The following CADM1 variants were observed in gnomAD, a reference collection of about 807,000 sequenced individuals.
The protein encoded by CADM1 is cell adhesion molecule 1, also known as TSLC-1.
In CADM1, 15 loss-of-function variants were observed where a neutral mutation model predicts 53.1. That is an observed-to-expected ratio of 0.28 (90% CI 0.19 to 0.44). The LOEUF is 0.44. CADM1 is among the 20% of genes least tolerant of loss of function. CADM1 has a pLI of 1.00. For synonymous variants in CADM1, 281 were observed against 243.0 expected (o/e 1.16, Z -1.45); for missense variants, 434 against 611.3 (o/e 0.71, Z 3.06).
At chr11:115,340,658 A>ATATATTTTTTTTT (rs60532835) in intron 1 of CADM1, among the ~76,000 whole-genome samples, 15 of 34,936 alleles carry the variant, frequency 4.3e-4, no homozygotes, top group East Asian at 1.1e-3. Flanking sequence ...ATATATATAT[A>ATATATTTTTTTTT]TTTTTTTTTT....
intron 1 of CADM1, among the ~76,000 whole-genome samples, chr11:115,430,300 G>C (rs1005005925): frequency 6.6e-6 from 1 of 152,170 alleles, no homozygotes; most frequent in Non-Finnish European, 1.5e-5. Flanking sequence ...GATAGCTAAC[G>C]CTGGGCGTTT....
chr11:115,221,040 T>C (rs1941386512), intron 5 of CADM1, among the ~76,000 whole-genome samples: 1 of 152,176 alleles, frequency 6.6e-6, no homozygotes, highest in South Asian at 2.1e-4. Context: ...AGTAATGAGG[T>C]AAAGCCTAGT....
chr11:115,499,978 T>C (rs1949697238), intron 1 of CADM1, among the ~76,000 whole-genome samples: 1 of 152,204 alleles, frequency 6.6e-6, no homozygotes, highest in Non-Finnish European at 1.5e-5. Context: ...TCACTACTTA[T>C]ACATACACAC....
In CADM1 at chr11:115,197,090, T is replaced by G. The variant is rs1940193844; in HGVS notation, c.1111+1316A>C. Among the ~76,000 whole-genome samples, 4 of 152,016 alleles carry G rather than the reference T, an allele frequency of 2.6e-5. No homozygotes were observed. In the South Asian group the frequency reaches 8.3e-4, roughly 32 times the overall value. ...AGGGCAGAAAGAAATAGGAATGGGG[T>G]GGGGAAGGATATATTGCTCAGTACC... On this transcript the variant is annotated intron_variant, in intron 9 of 11. Coordinates refer to ENST00000331581, the MANE Select transcript of CADM1 (RefSeq NM_001301043.2).
chr11:115,207,070 A>C (rs1275881568), intron 8 of CADM1, among the ~76,000 whole-genome samples: 5 of 152,134 alleles, frequency 3.3e-5, no homozygotes, highest in Admixed American at 2.6e-4. Flanking sequence ...CTTTCTGGGC[A>C]AGATAAATAT....
intron 1 of CADM1, among the ~76,000 whole-genome samples, chr11:115,503,676 G>A (rs1949784715): frequency 6.6e-6 from 1 of 152,228 alleles, no homozygotes; most frequent in Non-Finnish European, 1.5e-5. Flanking sequence ...AACACGAGAG[G>A]CGTGCAGTTT....
chr11:115,359,540 C>T (rs1211144324), intron 1 of CADM1, among the ~76,000 whole-genome samples: 1 of 151,946 alleles, frequency 6.6e-6, no homozygotes, highest in Non-Finnish European at 1.5e-5. Flanking sequence ...AGAAATGGGT[C>T]CCACCGTGAT....
chr11:115,236,110 A>G (rs1383603525), intron 3 of CADM1, among the ~76,000 whole-genome samples: 1 of 152,218 alleles, frequency 6.6e-6, no homozygotes, highest in African/African-American at 2.4e-5. Flanking sequence ...TACTGAATGT[A>G]TCAAATAACT....
Position 115,174,204 on chromosome 11 carries a change from T to C in CADM1, c.*2270A>G, listed in dbSNP as rs749115805. ...CAGGAACACTGCACTACTGTACACTTTTCAAAACAGAAAGATGGGAGGTCC... is the reference window on the plus strand; with the variant it reads ...CAGGAACACTGCACTACTGTACACTCTTCAAAACAGAAAGATGGGAGGTCC... On this transcript the variant is annotated 3_prime_UTR_variant, in exon 12 of 12. Transcript: ENST00000331581. 2.5e-4 allele frequency: 244 copies of C among 985,228 alleles called. No homozygotes were observed. Among genetic ancestry groups the C allele is most frequent in the Non-Finnish European group, 2.7e-4 (225 of 829,904 alleles). The allele number at this position is 985,228 out of a possible 1,614,324, so 61.0% of individuals were successfully genotyped here.
At chr11:115,460,857 A>C (rs1033949588) in intron 1 of CADM1, among the ~76,000 whole-genome samples, 1 of 151,730 alleles carries the variant, frequency 6.6e-6, no homozygotes, top group African/African-American at 2.4e-5. Context: ...CTTTTTCCTG[A>C]AATCCATATA....
At chr11:115,441,506 A>G (rs374001622) in intron 1 of CADM1, among the ~76,000 whole-genome samples, 1 of 152,212 alleles carries the variant, frequency 6.6e-6, no homozygotes, top group Non-Finnish European at 1.5e-5. Context: ...CACTGCTTGG[A>G]AACAGTAGGT....
At chr11:115,218,636 C>T (rs1941284596) in intron 5 of CADM1, among the ~76,000 whole-genome samples, 1 of 152,208 alleles carries the variant, frequency 6.6e-6, no homozygotes, top group Non-Finnish European at 1.5e-5. Flanking sequence ...AACTCTGGTA[C>T]CCACAGATTG....
At chr11:115,330,626 A>G (rs1051636807) in intron 1 of CADM1, among the ~76,000 whole-genome samples, 1 of 152,136 alleles carries the variant, frequency 6.6e-6, no homozygotes, top group African/African-American at 2.4e-5. Flanking sequence ...TTCAGTGAGA[A>G]GGAATATACT....
intron 1 of CADM1, among the ~76,000 whole-genome samples, chr11:115,364,121 A>G (rs1044090831): frequency 6.6e-6 from 1 of 152,144 alleles, no homozygotes; most frequent in Non-Finnish European, 1.5e-5. Flanking sequence ...ACATACCTCC[A>G]TCGTGAAGCA....
At chr11:115,250,519 G>A (rs1018689233) in intron 1 of CADM1, among the ~76,000 whole-genome samples, 1 of 152,092 alleles carries the variant, frequency 6.6e-6, no homozygotes, top group African/African-American at 2.4e-5. Context: ...GAGAAGAAAA[G>A]GAAAGTGGCT....
Position 115,186,546 on chromosome 11 carries a change from A to C in CADM1, c.1165+4342T>G, listed in dbSNP as rs1464272278. ...TGGCCCCTGCAAACCAAAGTCCTCT[A>C]TTTCCTCTAGAGCCAGGAAGACCCA... is the stretch of plus-strand genomic sequence containing the variant. On this transcript the variant is annotated intron_variant, in intron 10 of 11. Transcript: ENST00000331581. 2.6e-5 allele frequency among the ~76,000 whole-genome samples: 4 copies of C among 152,102 alleles called. No homozygotes were observed. The East Asian group carries it at 7.7e-4, about 29-fold the overall frequency.
At chr11:115,218,324 C>A (rs1040295994) in intron 5 of CADM1, among the ~76,000 whole-genome samples, 1 of 152,108 alleles carries the variant, frequency 6.6e-6, no homozygotes, top group South Asian at 2.1e-4. Flanking sequence ...TGAGGTGAAG[C>A]CATAGATATC....
At chr11:115,317,381 G>T (rs1418329739) in intron 1 of CADM1, among the ~76,000 whole-genome samples, 2 of 151,660 alleles carry the variant, frequency 1.3e-5, no homozygotes, top group Non-Finnish European at 2.9e-5. Flanking sequence ...AATAAGAGTG[G>T]TTATAAACTG....
chr11:115,231,953 G>A (rs200705924), intron 3 of CADM1, among the ~76,000 whole-genome samples: 42 of 151,998 alleles, frequency 2.8e-4, no homozygotes, highest in Admixed American at 2.1e-3. Flanking sequence ...GCCATTGCAT[G>A]CCAGCCTGGG....
Sources: allele counts gnomAD v4.1 joint callset (sites outside exome capture counted in the v4.1 genomes callset), GRCh38; gene constraint gnomAD v4.1.1; transcripts MANE v1.5; gene names NCBI Gene and HGNC (gene_info 2026-07-23, HGNC 2026-07-21).